ZNF595: variants seen among roughly 807,000 people sequenced by gnomAD.
The protein encoded by ZNF595 is zinc finger protein 595.
A neutral mutation model predicts 19.4 loss-of-function variants in ZNF595; 9 were observed. That is an observed-to-expected ratio of 0.46 (90% CI 0.28 to 0.81). The LOEUF (loss-of-function observed/expected upper bound fraction) is 0.81, where lower values mean the gene tolerates loss of function less well. Among genes scored for constraint, ZNF595 ranks in the 30% least tolerant of loss-of-function variants. The pLI, the probability that ZNF595 is intolerant of heterozygous loss-of-function variation, is 0.11. For missense variants in ZNF595, 729 were observed against 736.0 expected, an observed-to-expected ratio of 0.99 and a Z score of 0.11; for synonymous variants, 255 against 255.9, an observed-to-expected ratio of 1.00 and a Z score of 0.03.
intron 3 of ZNF595, among the ~76,000 whole-genome samples, chr4:81,018 G>A (rs1415338556): frequency 6.6e-6 from 1 of 152,008 alleles, no homozygotes; most frequent in Non-Finnish European, 1.5e-5. Flanking sequence ...GGTGTGTGAT[G>A]TTCCTTCCCT....
intron 3 of ZNF595, among the ~76,000 whole-genome samples, chr4:80,700 CAGG>C (rs1455849094): frequency 4.3e-4 from 65 of 152,192 alleles, no homozygotes; most frequent in African/African-American, 1.2e-3. Context: ...GCTTCTGAGC[CAGG>C]AGAAGGAATT....
At chr4:55,129 C>T (rs1581309972) in intron 1 of ZNF595, among the ~76,000 whole-genome samples, 2 of 151,990 alleles carry the variant, frequency 1.3e-5, no homozygotes, top group African/African-American at 4.8e-5. Flanking sequence ...ACCTTGAGCC[C>T]TCCCGCCTCG....
At chr4:60,693 C>G (rs1712816870) in intron 3 of ZNF595, among the ~76,000 whole-genome samples, 3 of 152,288 alleles carry the variant, frequency 2.0e-5, no homozygotes, top group Non-Finnish European at 4.4e-5. Context: ...ATGTGCCATG[C>G]TGGTGTGCAT....
intron 3 of ZNF595, among the ~76,000 whole-genome samples, chr4:81,164 A>G (rs1553799844): frequency 6.6e-6 from 1 of 152,206 alleles, no homozygotes; most frequent in African/African-American, 2.4e-5. Flanking sequence ...ACGTGAACTC[A>G]TTCTTTTTTA....
At position 87,588 on chromosome 4, in the gene ZNF595, C is replaced by T; in HGVS notation, c.*137C>T. On this transcript the variant is annotated 3_prime_UTR_variant, in exon 4 of 4. Transcript: ENST00000610261. ...TTCTGTAGGTACATAGTATGTGTAT[C>T]TATTCATGGCTTATTTGGATTATTT... The T allele has an allele frequency of 1.5e-6, 1 of 674,586 alleles. No homozygotes were observed. The highest frequency in any genetic ancestry group is 3.6e-5 in the South Asian group (1 of 27,920). 41.8% of individuals were successfully genotyped at this position (674,586 alleles called of 1,614,324 possible).
intron 3 of ZNF595, among the ~76,000 whole-genome samples, chr4:66,174 T>A (rs1713090072): frequency 6.7e-6 from 1 of 150,132 alleles, no homozygotes. Context: ...ATATATATTA[T>A]TTTTTGTTTG....
At chr4:69,330 A>G (rs1449246268) in intron 3 of ZNF595, among the ~76,000 whole-genome samples, 1 of 152,178 alleles carries the variant, frequency 6.6e-6, no homozygotes, top group African/African-American at 2.4e-5. Context: ...GCTGTGCTCC[A>G]TAGTGGTTGG....
intron 3 of ZNF595, among the ~76,000 whole-genome samples, chr4:78,607 G>C (rs1351609144): frequency 2.6e-5 from 4 of 152,324 alleles, no homozygotes; most frequent in Middle Eastern, 3.4e-3. Context: ...TGTTCTGTGA[G>C]AGAAACAGTT....
chr4:74,370 C>T (rs1294174125), intron 3 of ZNF595, among the ~76,000 whole-genome samples: 12 of 152,220 alleles, frequency 7.9e-5, no homozygotes, highest in Admixed American at 3.3e-4. Flanking sequence ...TATGCAAGTA[C>T]ATTGTTTTCT....
At chr4:82,589 G>T in intron 3 of ZNF595, among the ~76,000 whole-genome samples, 1 of 151,690 alleles carries the variant, frequency 6.6e-6, no homozygotes, top group East Asian at 1.9e-4. Context: ...TCTCCATGTT[G>T]GTCAGGCTGG....
At chr4:63,267 T>G (rs1185201750) in intron 3 of ZNF595, among the ~76,000 whole-genome samples, 1 of 142,234 alleles carries the variant, frequency 7.0e-6, no homozygotes, top group Non-Finnish European at 1.5e-5. Context: ...GCTTTGTTCT[T>G]TCTCAAGATT....
At chr4:80,938 C>T (rs1258941660) in intron 3 of ZNF595, among the ~76,000 whole-genome samples, 1 of 152,094 alleles carries the variant, frequency 6.6e-6, no homozygotes, top group Non-Finnish European at 1.5e-5. Flanking sequence ...AGGTTTTAAG[C>T]CCCGCACTCA....
intron 3 of ZNF595, among the ~76,000 whole-genome samples, chr4:84,675 A>T (rs1038019988): frequency 4.6e-5 from 7 of 152,156 alleles, no homozygotes; most frequent in Admixed American, 1.3e-4. Context: ...CTGTGTATGT[A>T]TCCTAGTTGA....
chr4:77,770 CAA>C (rs199625636), intron 3 of ZNF595, among the ~76,000 whole-genome samples: 2 of 150,740 alleles, frequency 1.3e-5, no homozygotes, highest in African/African-American at 2.4e-5. Context: ...TGGCCTGAGA[CAA>C]AAAAAAATCC....
In ZNF595 at chr4:86,630, G is replaced by T. The variant is rs782674512; in HGVS notation, c.1126G>T (p.Ala376Ser). The T allele has an allele frequency of 2.5e-6, 4 of 1,613,584 alleles. No homozygotes were observed. Among genetic ancestry groups the T allele is most frequent in the Non-Finnish European group, 3.4e-6 (4 of 1,179,818 alleles). ...TTACAAATGTGAAGAATGTGGCAAA[G>T]CCTTTACTTGGTCCTCATCCCTTAA... is the stretch of plus-strand genomic sequence containing the variant. ...KLYKCEECGK[A>S]FTWSSSLNKH... Residue 376 changes from alanine to serine, a missense_variant, in exon 4 of 4, where the codon GCC becomes TCC. This residue lies in a region of ZNF595 where 729 missense variants were observed against 675.3 expected (regional missense o/e 1.08). Transcript: ENST00000610261.
intron 3 of ZNF595, among the ~76,000 whole-genome samples, chr4:70,020 A>C (rs1442717904): frequency 3.3e-5 from 5 of 152,174 alleles, no homozygotes; most frequent in African/African-American, 1.2e-4. Flanking sequence ...GACTCCCCAG[A>C]GAGTTCTGTA....
intron 3 of ZNF595, among the ~76,000 whole-genome samples, chr4:73,969 G>T (rs77132881): frequency 6.6e-6 from 1 of 152,218 alleles, no homozygotes; most frequent in East Asian, 1.9e-4. Flanking sequence ...GTTGGTGATA[G>T]AAGTTTGGTT....
At chr4:85,414 C>G (rs1024297415) in intron 3 of ZNF595, among the ~76,000 whole-genome samples, 3 of 152,154 alleles carry the variant, frequency 2.0e-5, no homozygotes, top group Non-Finnish European at 4.4e-5. Context: ...ACAGTTTACT[C>G]CTATAGGCAC....
At chr4:66,180 GT>G (rs1713092445) in intron 3 of ZNF595, among the ~76,000 whole-genome samples, 2 of 148,510 alleles carry the variant, frequency 1.3e-5, no homozygotes, top group South Asian at 4.3e-4. Context: ...ATTATTTTTT[GT>G]TTGCTTGATA....
Sources: allele counts gnomAD v4.1 joint callset (sites outside exome capture counted in the v4.1 genomes callset), GRCh38; gene constraint gnomAD v4.1.1; regional missense constraint gnomAD v4.1.1; transcripts MANE v1.5; gene names NCBI Gene and HGNC (gene_info 2026-07-23, HGNC 2026-07-21).